The following TLE3 variants were observed in gnomAD, a reference collection of about 807,000 sequenced individuals.
TLE3 encodes TLE family member 3, transcriptional corepressor.
A neutral mutation model predicts 93.0 loss-of-function variants in TLE3; 14 were observed. The ratio of observed to expected loss-of-function variants is 0.15; its 90% confidence interval spans 0.10 to 0.24. TLE3 has a LOEUF of 0.24. Among genes scored for constraint, TLE3 ranks in the 10% least tolerant of loss-of-function variants. The probability of loss-of-function intolerance (pLI) is 1.00; values close to 1 mark genes in which losing one functional copy is unlikely to be tolerated. For missense variants in TLE3, 693 were observed against 1,046.6 expected (o/e 0.66, Z 4.66); for synonymous variants, 451 against 425.0 (o/e 1.06, Z -0.75).
chr15:70,067,964 CA>C (rs1227196537), intron 6 of TLE3, among the ~76,000 whole-genome samples: 2 of 152,228 alleles, frequency 1.3e-5, no homozygotes, highest in African/African-American at 4.8e-5. Context: ...CTATGGCAGA[CA>C]CAAAGCTATG....
At chr15:70,064,614 G>T in intron 7 of TLE3, 144 bp from the exon 8 acceptor site, 1 of 1,165,970 alleles carries the variant, frequency 8.6e-7, no homozygotes, top group Non-Finnish European at 1.2e-6. Flanking sequence ...AGAAGGCCTG[G>T]ATTGCTGTCT....
chr15:70,074,888 A>G (rs1184068677), intron 5 of TLE3, among the ~76,000 whole-genome samples: 2 of 152,256 alleles, frequency 1.3e-5, no homozygotes, highest in Middle Eastern at 3.2e-3. Flanking sequence ...CCACACACAC[A>G]CAAATTTTTC....
Position 70,049,753 on chromosome 15 carries a change from A to T in TLE3, c.*344T>A. The T allele has an allele frequency of 4.4e-6, 1 of 228,608 alleles. No individual in the cohort carries two copies. The highest frequency in any genetic ancestry group is 8.9e-6 in the Non-Finnish European group (1 of 112,458). 14.2% of individuals were successfully genotyped at this position (228,608 alleles called of 1,614,324 possible). On this transcript the variant is annotated 3_prime_UTR_variant, in exon 20 of 20. Transcript: ENST00000451782. Reference sequence around the variant, plus strand: ...CAGCACCCCCGACCCAAGGTGAGGGACAGGGCAAAAGAAAAGGGAAGAACA... The same window carrying T: ...CAGCACCCCCGACCCAAGGTGAGGGTCAGGGCAAAAGAAAAGGGAAGAACA...
intron 8 of TLE3, 77 bp from the exon 9 acceptor site, chr15:70,060,726 G>A (rs914604420): frequency 6.3e-7 from 1 of 1,586,820 alleles, no homozygotes; most frequent in Non-Finnish European, 8.6e-7. Flanking sequence ...ACAGCTAAGT[G>A]CAGGTGACAC....
intron 4 of TLE3, among the ~76,000 whole-genome samples, chr15:70,078,049 G>T (rs923389404): frequency 3.9e-5 from 6 of 152,056 alleles, no homozygotes; most frequent in Admixed American, 3.3e-4. Context: ...TGCACTGCAG[G>T]GCTTTTAAAA....
At chr15:70,052,161 CA>C (rs1289184232) in intron 18 of TLE3, among the ~76,000 whole-genome samples, 1 of 152,222 alleles carries the variant, frequency 6.6e-6, no homozygotes, top group African/African-American at 2.4e-5. Context: ...CCTGAGAGTT[CA>C]ATAACTCATG....
rs1407777238 is a variant in TLE3 at position 70,095,635 on chromosome 15, T to A, written c.132A>T (p.Lys44Asn). The A allele has an allele frequency of 6.4e-7, 1 of 1,551,464 alleles. No individual in the cohort carries two copies. Among genetic ancestry groups the A allele is most frequent in the South Asian group, 1.2e-5 (1 of 84,068 alleles). ...CGTTTGCCAGCTTGTCGTACTCCAC[T>A]TTGAGGCTGCGAGGGCAGGAGGAGC... ...QFLQAQYHSL[K>N]VEYDKLANEK... Residue 44 changes from lysine to asparagine, a missense_variant, in exon 3 of 20, where the codon AAA (lysine) becomes AAT (asparagine). Around this residue, in one of 4 missense-constraint regions of TLE3, gnomAD observed 104 missense variants for 173.8 expected, o/e 0.60. Transcript: ENST00000451782.
At chr15:70,064,898 T>C (rs1595905173) in intron 7 of TLE3, among the ~76,000 whole-genome samples, 1 of 124,044 alleles carries the variant, frequency 8.1e-6, no homozygotes, top group East Asian at 2.4e-4. Context: ...TTAAGAACTT[T>C]ATTGTTAAAA....
At chr15:70,055,329 A>G in intron 14 of TLE3, 31 bp from the exon 15 acceptor site, 1 of 1,541,732 alleles carries the variant, frequency 6.5e-7, no homozygotes, top group Middle Eastern at 1.7e-4. Context: ...CACTGCTGCC[A>G]TCCACCCCGG....
At chr15:70,065,984 G>GCCCCCCCCCCCCCC in intron 7 of TLE3, 30 bp downstream of exon 7, 3 of 768,852 alleles carry the variant, frequency 3.9e-6, no homozygotes, top group Non-Finnish European at 6.3e-6. Context: ...CCCCTGCCCC[G>GCCCCCCCCCCCCCC]CCCCACCCTC....
chr15:70,053,260 G>A lies in TLE3; in HGVS notation c.1941C>T (p.Gly647=). 6.2e-7 allele frequency: 1 copy of A among 1,608,918 alleles called. No individual in the cohort carries two copies. Among genetic ancestry groups the A allele is most frequent in the African/African-American group, 1.3e-5 (1 of 74,972 alleles). ...NTVRSWDLRE[G]RQLQQHDFTS... ...TGAAGTCATGCTGCTGTAGCTGTCG[G>A]CCCTCCCGCAGGTCCCAGGAGCGCA... The change falls in exon 17 of 20, where the codon GGC becomes GGT. Residue 647 remains glycine (G), a synonymous_variant. Transcript: ENST00000451782.
At chr15:70,093,486 T>C (rs1317973709) in intron 4 of TLE3, among the ~76,000 whole-genome samples, 1 of 152,236 alleles carries the variant, frequency 6.6e-6, no homozygotes, top group Non-Finnish European at 1.5e-5. Context: ...TCCATTCAAG[T>C]CACGGTCACC....
intron 6 of TLE3, among the ~76,000 whole-genome samples, chr15:70,068,969 C>A (rs2056981155): frequency 6.6e-6 from 1 of 152,236 alleles, no homozygotes; most frequent in Admixed American, 6.5e-5. Flanking sequence ...AGTCAGCCGA[C>A]CTCTCTGTGT....
intron 4 of TLE3, among the ~76,000 whole-genome samples, chr15:70,080,152 C>T (rs2057694416): frequency 6.6e-6 from 1 of 152,022 alleles, no homozygotes; most frequent in Non-Finnish European, 1.5e-5. Flanking sequence ...TTGGAAAACT[C>T]CTTTTGGCAA....
chr15:70,079,876 A>G (rs537397836), intron 4 of TLE3, among the ~76,000 whole-genome samples: 2 of 152,234 alleles, frequency 1.3e-5, no homozygotes, highest in South Asian at 4.1e-4. Flanking sequence ...CCCAGCCATT[A>G]AGTGATTTCA....
intron 5 of TLE3, among the ~76,000 whole-genome samples, chr15:70,075,866 C>T (rs929844538): frequency 1.3e-5 from 2 of 152,126 alleles, no homozygotes; most frequent in Non-Finnish European, 2.9e-5. Context: ...CAGGTGATGG[C>T]AGAGAAACAA....
chr15:70,081,570 T>C (rs2141909229), intron 4 of TLE3, among the ~76,000 whole-genome samples: 1 of 152,366 alleles, frequency 6.6e-6, no homozygotes, highest in Admixed American at 6.5e-5. Context: ...AAGGGAAGAC[T>C]GGTTGGTGAG....
At chr15:70,057,212 AG>A (rs2056124157) in intron 13 of TLE3, among the ~76,000 whole-genome samples, 1 of 152,194 alleles carries the variant, frequency 6.6e-6, no homozygotes, top group Admixed American at 6.5e-5. Context: ...ACTAAAAGGG[AG>A]GCTGCCTTGC....
intron 4 of TLE3, among the ~76,000 whole-genome samples, chr15:70,078,954 G>A (rs2057599670): frequency 1.3e-5 from 2 of 152,184 alleles, no homozygotes; most frequent in Admixed American, 1.3e-4. Context: ...AAACGTAGCT[G>A]ACCTTGCCCT....
Sources: allele counts gnomAD v4.1 joint callset (sites outside exome capture counted in the v4.1 genomes callset), GRCh38; gene constraint gnomAD v4.1.1; regional missense constraint gnomAD v4.1.1; transcripts MANE v1.5; gene names NCBI Gene and HGNC (gene_info 2026-07-23, HGNC 2026-07-21).